NUP98: variants seen among roughly 807,000 people sequenced by gnomAD.
NUP98 encodes nuclear pore complex protein Nup98-Nup96.
NUP98 carries 26 observed loss-of-function variants against 191.9 expected under a neutral mutation model. The observed-to-expected ratio is 0.14, with a 90% CI of 0.10 to 0.19. NUP98 has a LOEUF of 0.19. Among genes scored for constraint, NUP98 ranks in the 10% least tolerant of loss-of-function variants. The pLI, the probability that NUP98 is intolerant of heterozygous loss-of-function variation, is 1.00. For synonymous variants in NUP98, 808 were observed against 778.4 expected (o/e 1.04, Z -0.63); for missense variants, 1,941 against 2,178.8 (o/e 0.89, Z 2.17).
At chr11:3,754,327 G>A (rs1383662598) in intron 10 of NUP98, among the ~76,000 whole-genome samples, 2 of 152,150 alleles carry the variant, frequency 1.3e-5, no homozygotes, top group Non-Finnish European at 2.9e-5. Context: ...TTGGGAGGCT[G>A]AGGCAGGAGT....
chr11:3,686,711 C>T (rs2078143703), intron 28 of NUP98, among the ~76,000 whole-genome samples: 1 of 152,132 alleles, frequency 6.6e-6, no homozygotes, highest in South Asian at 2.1e-4. Context: ...GAGCAAGGCG[C>T]GGTGGCTCAC....
At chr11:3,769,530 T>C (rs2081448578) in intron 7 of NUP98, among the ~76,000 whole-genome samples, 1 of 147,034 alleles carries the variant, frequency 6.8e-6, no homozygotes, top group South Asian at 2.1e-4. Context: ...GAGCTATGAT[T>C]GCTCCACTGC....
intron 32 of NUP98, 52 bp downstream of exon 32, chr11:3,676,457 C>A (rs776271877): frequency 3.2e-5 from 51 of 1,603,614 alleles, no homozygotes; most frequent in Non-Finnish European, 4.0e-5. Flanking sequence ...GTGTAATAAT[C>A]ATAAAAACAG....
At chr11:3,718,477 A>G (rs1183256471) in intron 18 of NUP98, among the ~76,000 whole-genome samples, 2 of 152,088 alleles carry the variant, frequency 1.3e-5, no homozygotes, top group Non-Finnish European at 2.9e-5. Context: ...CAGAGGTTGC[A>G]GTAAGCTGAG....
At chr11:3,730,154 G>C (rs1236972459) in intron 14 of NUP98, among the ~76,000 whole-genome samples, 2 of 151,672 alleles carry the variant, frequency 1.3e-5, no homozygotes, top group Non-Finnish European at 2.9e-5. Context: ...AGAATCGCTT[G>C]AACCTAGGAG....
intron 1 of NUP98, among the ~76,000 whole-genome samples, chr11:3,796,956 C>T (rs1008677220): frequency 3.3e-5 from 5 of 152,248 alleles, no homozygotes; most frequent in Non-Finnish European, 7.3e-5. Flanking sequence ...TCGGACTCAC[C>T]CTAATCCTCG....
chr11:3,777,219 C>T (rs1208066392), intron 4 of NUP98, among the ~76,000 whole-genome samples: 1 of 152,018 alleles, frequency 6.6e-6, no homozygotes, highest in Non-Finnish European at 1.5e-5. Flanking sequence ...AATAGCAAAT[C>T]CTTGGATTAC....
chr11:3,719,394 A>T lies in NUP98; in HGVS notation c.2399+18T>A, dbSNP rs1272376286. ...TGTGATTTAGCTGATAATTTTCTGT[A>T]TGTACATAAACTCTTACCTATTTAG... is the stretch of plus-strand genomic sequence containing the variant. On this transcript the variant is annotated intron_variant, in intron 18 of 32. Transcript: ENST00000324932. 1 of 1,564,194 alleles carries T rather than the reference A, an allele frequency of 6.4e-7. No individual in the cohort carries two copies. Among genetic ancestry groups the T allele is most frequent in the East Asian group, 2.3e-5 (1 of 42,700 alleles).
intron 5 of NUP98, among the ~76,000 whole-genome samples, chr11:3,775,552 C>A (rs1041558045): frequency 0.01 from 1,443 of 138,458 alleles, 20 homozygotes; most frequent in African/African-American, 0.036. Context: ...AACAAAATAA[C>A]AAAAAAAAAA....
chr11:3,765,821 T>A (rs1427199405), intron 8 of NUP98, among the ~76,000 whole-genome samples: 8 of 138,168 alleles, frequency 5.8e-5, no homozygotes, highest in Non-Finnish European at 7.9e-5. Flanking sequence ...AAAAAAAAAA[T>A]TGATCAATTT....
chr11:3,758,231 G>A (rs751618631), intron 10 of NUP98, among the ~76,000 whole-genome samples: 1 of 151,578 alleles, frequency 6.6e-6, no homozygotes, highest in Non-Finnish European at 1.5e-5. Flanking sequence ...TGAGGCAGGA[G>A]AATGGCGTGA....
chr11:3,758,159 T>C (rs1589895206), intron 10 of NUP98, among the ~76,000 whole-genome samples: 3 of 151,030 alleles, frequency 2.0e-5, no homozygotes, highest in Admixed American at 2.0e-4. Flanking sequence ...CTACTAAAAA[T>C]ACAAAGAAAA....
intron 8 of NUP98, among the ~76,000 whole-genome samples, chr11:3,764,158 A>AT (rs34952026): frequency 0.098 from 14,668 of 150,280 alleles, 862 homozygotes; most frequent in South Asian, 0.14. Flanking sequence ...TTTTCTATGG[A>AT]TTTTTTTTTT....
intron 6 of NUP98, among the ~76,000 whole-genome samples, chr11:3,773,072 A>G (rs2081584705): frequency 6.6e-6 from 1 of 152,166 alleles, no homozygotes. Flanking sequence ...GCATGCATAC[A>G]CATTGCCCAG....
intron 1 of NUP98, among the ~76,000 whole-genome samples, chr11:3,791,142 C>G (rs188977875): frequency 0.041 from 6,189 of 151,816 alleles, 133 homozygotes; most frequent in Non-Finnish European, 0.049. Flanking sequence ...TGATCCGCCC[C>G]CCTCAGCCTC....
chr11:3,760,124 A>AAC lies in NUP98; in HGVS notation c.1174+414_1174+415insGT, dbSNP rs2081115917. The AAC allele has an allele frequency of 4.0e-5, 7 of 176,974 alleles. No homozygotes were observed. The South Asian group carries it at 8.9e-4, about 23-fold the overall frequency. The allele number at this position is 176,974 out of a possible 1,614,324, so 11.0% of individuals were successfully genotyped here. A position where few individuals can be genotyped will look rare whatever the true frequency, so the allele number is the denominator to read the frequency against. On this transcript the variant is annotated intron_variant, in intron 10 of 32. Transcript: ENST00000324932. ...CCCTGTTCTCCACCAAAAAAAAAAA[A>AAC]AAAAACAAAAACAAAACAACACAAC... is the stretch of plus-strand genomic sequence containing the variant.
chr11:3,784,558 A>G (rs1223470211), intron 1 of NUP98, among the ~76,000 whole-genome samples: 1 of 150,434 alleles, frequency 6.6e-6, no homozygotes, highest in Non-Finnish European at 1.5e-5. Flanking sequence ...CTTGGACAAC[A>G]CAGCAAGACT....
chr11:3,794,921 T>G (rs1462069042), intron 1 of NUP98, among the ~76,000 whole-genome samples: 1 of 152,186 alleles, frequency 6.6e-6, no homozygotes, highest in Non-Finnish European at 1.5e-5. Context: ...CCAATACTTA[T>G]CCTTAAATCT....
chr11:3,731,512 G>A lies in NUP98; in HGVS notation c.1609C>T (p.Pro537Ser), dbSNP rs2079852227. The change falls in exon 14 of 33, where the codon CCC (proline) becomes TCC (serine). Residue 537 changes from proline (P) to serine (S), a missense_variant. This residue lies in a region of NUP98 where 453 missense variants were observed against 438.2 expected (regional missense o/e 1.03). Transcript: ENST00000324932. ...GGCCGGACTCTAGTGGCAGGGCGGG[G>A]TGTCAGTTTATAATGAGTAGGTGTA... ...LTTPTHYKLT[P>S]RPATRVRPKA... is the part of the protein sequence containing the mutation. The A allele has an allele frequency of 3.1e-6, 5 of 1,608,156 alleles. No individual in the cohort carries two copies. The highest frequency in any genetic ancestry group is 4.2e-6 in the Non-Finnish European group (5 of 1,176,860).
Sources: gnomAD v4.1 joint callset for allele counts (sites outside exome capture counted in the v4.1 genomes callset) on GRCh38, gnomAD v4.1.1 for gene constraint, gnomAD v4.1.1 regional missense constraint, MANE v1.5 for transcripts, NCBI Gene and HGNC (gene_info 2026-07-23, HGNC 2026-07-21) for gene names.